Variants in SCN3B observed in about 807,000 individuals in gnomAD.
SCN3B encodes sodium channel regulatory subunit beta-3.
Under a neutral mutation model 25.4 loss-of-function variants are expected in SCN3B, and 11 were observed. That is an observed-to-expected ratio of 0.43 (90% CI 0.27 to 0.72). The LOEUF is 0.72. SCN3B is among the 30% of genes least tolerant of loss of function. The pLI is 0.18. For synonymous variants in SCN3B, 109 were observed against 110.7 expected (o/e 0.99, Z 0.09); for missense variants, 218 against 278.3 (o/e 0.78, Z 1.54).
rs1257008951 is a variant in SCN3B, at chr11:123,644,840, T to TATAC, written c.219+746_219+747insGTAT. 7.1e-3 allele frequency among the ~76,000 whole-genome samples: 880 copies of TATAC among 124,316 alleles called. 3 individuals carry two copies. Among genetic ancestry groups the TATAC allele is most frequent in the Non-Finnish European group, 0.01 (598 of 57,508 alleles). The allele number at this position is 124,316 out of a possible 152,430, so 81.6% of individuals were successfully genotyped here. A position where few individuals can be genotyped will look rare whatever the true frequency, so the allele number is the denominator to read the frequency against. ...ATATATATATATATATATATATATA[T>TATAC]ACACACACACATATATACACACACA... is the stretch of plus-strand genomic sequence containing the variant. On this transcript the variant is annotated intron_variant, in intron 3 of 6. Transcript: ENST00000299333.
chr11:123,636,291 T>A (rs2137233420), intron 5 of SCN3B, among the ~76,000 whole-genome samples: 1 of 152,362 alleles, frequency 6.6e-6, no homozygotes, highest in South Asian at 2.1e-4. Context: ...GGAATATTCT[T>A]CCTTGTCCTA....
chr11:123,637,192 AGT>A (rs1279135918), intron 5 of SCN3B, among the ~76,000 whole-genome samples: 1 of 151,994 alleles, frequency 6.6e-6, no homozygotes, highest in East Asian at 1.9e-4. Context: ...AAGTGACTAG[AGT>A]CTCTGAGCAA....
chr11:123,642,773 T>C lies in SCN3B; in HGVS notation c.220-102A>G, dbSNP rs989631957. 2.4e-5 allele frequency: 21 copies of C among 885,800 alleles called. No homozygotes were observed. The highest frequency in any genetic ancestry group is 1.8e-4 in the East Asian group (7 of 38,576). The allele number at this position is 885,800 out of a possible 1,614,324, so 54.9% of individuals were successfully genotyped here. On this transcript the variant is annotated intron_variant, in intron 3 of 6. Transcript: ENST00000299333. This position sits in a 1 kb window ranked among gnomAD's most constrained non-coding sequence, Gnocchi z 4.3. ...CAGAGAAAAGGAGCAGAATTGTGCA[T>C]GGACAGGGAAGAGAGGGGACAATGC...
chr11:123,653,325 G>GT (rs3862615), intron 2 of SCN3B, among the ~76,000 whole-genome samples: 3,984 of 145,332 alleles, frequency 0.027, 59 homozygotes, highest in African/African-American at 0.039. Flanking sequence ...AGCTTTTATG[G>GT]TTTTTTTTTT....
Position 123,653,841 on chromosome 11 carries a change from T to C in SCN3B, c.-25-15A>G, listed in dbSNP as rs775126426. 1.9e-6 allele frequency: 3 copies of C among 1,610,224 alleles called. No individual in the cohort carries two copies. The highest frequency in any genetic ancestry group is 4.5e-5 in the East Asian group (2 of 44,868). On this transcript the variant is annotated splice_polypyrimidine_tract_variant and intron_variant, in intron 1 of 6. Coordinates refer to ENST00000299333, the MANE Select transcript of SCN3B (RefSeq NM_001040151.2). The stretch of plus-strand genomic sequence containing the variant: ...GGCTTCCAAGGCTACACAGAGAGAT[T>C]CCCTCGGTCAAGGACTGCGCCCTCT...
chr11:123,653,724 C>G (rs1399170342), intron 2 of SCN3B, 23 bp downstream of exon 2: 24 of 1,613,378 alleles, frequency 1.5e-5, no homozygotes, highest in Non-Finnish European at 2.0e-5. Flanking sequence ...CTGCATCCGG[C>G]ATGGCGAGGT....
At chr11:123,651,256 A>G (rs1322474416) in intron 2 of SCN3B, among the ~76,000 whole-genome samples, 1 of 152,146 alleles carries the variant, frequency 6.6e-6, no homozygotes, top group African/African-American at 2.4e-5. Flanking sequence ...ATTGTACATC[A>G]TATTAAAAAA....
Position 123,630,879 on chromosome 11 carries a change from T to A in SCN3B, c.*2920A>T, listed in dbSNP as rs1158974096. 1 of 152,172 alleles carries A rather than the reference T, an allele frequency of 6.6e-6. No individual in the cohort carries two copies. Among genetic ancestry groups the A allele is most frequent in the Non-Finnish European group, 1.5e-5 (1 of 68,042 alleles). The allele number at this position is 152,172 out of a possible 1,614,324, so 9.4% of individuals were successfully genotyped here. On this transcript the variant is annotated 3_prime_UTR_variant, in exon 7 of 7. Transcript: ENST00000299333. Reference sequence around the variant, plus strand: ...CTAAAAAATAAGAAAAGGAAGCAGCTATGGTCTAAGTGGAAAGAGAACTGA... The same window carrying A: ...CTAAAAAATAAGAAAAGGAAGCAGCAATGGTCTAAGTGGAAAGAGAACTGA...
chr11:123,644,425 T>G (rs1286974136), intron 3 of SCN3B, among the ~76,000 whole-genome samples: 1 of 152,068 alleles, frequency 6.6e-6, no homozygotes, highest in Non-Finnish European at 1.5e-5. Flanking sequence ...GTGGCCTGGC[T>G]CCACAGTCAG....
intron 1 of SCN3B, 122 bp from the exon 2 acceptor site, chr11:123,653,948 G>A: frequency 3.3e-6 from 3 of 908,762 alleles, no homozygotes; most frequent in South Asian, 2.8e-5. Flanking sequence ...GAGCACCGGT[G>A]CCTGGGGAGG....
chr11:123,640,816 G>A (rs966693541), intron 4 of SCN3B: 2 of 152,264 alleles, frequency 1.3e-5, no homozygotes, highest in Non-Finnish European at 2.9e-5. Context: ...TCTACATCTG[G>A]AGGACGCCAA....
rs1213476516 is a variant in SCN3B at position 123,634,160 on chromosome 11, C to T, written c.631G>A (p.Val211Ile). The change falls in exon 6 of 7, where the codon GTA becomes ATA. Residue 211 changes from valine to isoleucine, a missense_variant. Physicochemically the swap from Val to Ile is conservative, Grantham distance 29. Coordinates refer to ENST00000299333, the MANE Select transcript of SCN3B (RefSeq NM_001040151.2). Reference protein sequence around the residue: ...IPSENKENSAVPVEE With the variant: ...IPSENKENSAIPVEE ...CTCCTGTTCTATTCCTCCACTGGTA[C>T]CGCAGAGTTCTCCTTGTTCTCAGAT... 5.6e-6 allele frequency: 9 copies of T among 1,613,898 alleles called. No individual in the cohort carries two copies. Among genetic ancestry groups the T allele is most frequent in the Non-Finnish European group, 5.9e-6 (7 of 1,179,866 alleles).
intron 5 of SCN3B, among the ~76,000 whole-genome samples, chr11:123,636,488 G>A (rs1158233645): frequency 1.3e-5 from 2 of 152,138 alleles, no homozygotes; most frequent in African/African-American, 4.8e-5. Context: ...GATATTACAG[G>A]CACTTGAGGT....
rs997988218 is a variant in SCN3B, at chr11:123,633,649, T to A, written c.*150A>T. On this transcript the variant is annotated 3_prime_UTR_variant, in exon 7 of 7. Coordinates refer to ENST00000299333, the MANE Select transcript of SCN3B (RefSeq NM_001040151.2). ...AGGTGAAAGCTCAGAGGCAGGTGGATGTATGGATGAATGAATGAACAGAAC... is the reference window on the plus strand; with the variant it reads ...AGGTGAAAGCTCAGAGGCAGGTGGAAGTATGGATGAATGAATGAACAGAAC... 4.4e-6 allele frequency: 1 copy of A among 225,284 alleles called. No homozygotes were observed. The highest frequency in any genetic ancestry group is 8.9e-6 in the Non-Finnish European group (1 of 112,252). 14.0% of individuals were successfully genotyped at this position (225,284 alleles called of 1,614,324 possible).
At chr11:123,653,509 G>C (rs901052475) in intron 2 of SCN3B, among the ~76,000 whole-genome samples, 2 of 152,106 alleles carry the variant, frequency 1.3e-5, no homozygotes, top group African/African-American at 4.8e-5. Flanking sequence ...GAAACTGGAG[G>C]AAGGGCGGAA....
At position 123,629,459 on chromosome 11, in the gene SCN3B, G is replaced by C. The variant is rs747691471; in HGVS notation, c.*4340C>G. 2 of 152,270 alleles carry C rather than the reference G, an allele frequency of 1.3e-5. No homozygotes were observed. Among genetic ancestry groups the C allele is most frequent in the African/African-American group, 4.8e-5 (2 of 41,452 alleles). 9.4% of individuals were successfully genotyped at this position (152,270 alleles called of 1,614,324 possible). On this transcript the variant is annotated 3_prime_UTR_variant, in exon 7 of 7. Coordinates refer to ENST00000299333, the MANE Select transcript of SCN3B (RefSeq NM_001040151.2). ...TCTGAGGGTCAGCTGGCCTGGGATGGAGACCGAGTTTGATATATAAATCAG... is the reference window on the plus strand; with the variant it reads ...TCTGAGGGTCAGCTGGCCTGGGATGCAGACCGAGTTTGATATATAAATCAG...
chr11:123,644,805 ATATATATATATATAT>A (rs1955833712), intron 3 of SCN3B, among the ~76,000 whole-genome samples: 1 of 36,646 alleles, frequency 2.7e-5, no homozygotes, highest in African/African-American at 2.0e-4. Flanking sequence ...GAGAGAATAT[ATATATATATATATAT>A]ATATATATAT....
In SCN3B at chr11:123,646,534, G is replaced by A. The variant is rs1457558783; in HGVS notation, c.56-784C>T. ...AGCAGCAGTGAAGAAAATGGCGAGCGGACCACTAAGCTGGAACAATGGTCT... is the reference window on the plus strand; with the variant it reads ...AGCAGCAGTGAAGAAAATGGCGAGCAGACCACTAAGCTGGAACAATGGTCT... On this transcript the variant is annotated intron_variant, in intron 2 of 6. Coordinates refer to ENST00000299333, the MANE Select transcript of SCN3B (RefSeq NM_001040151.2). Among the ~76,000 whole-genome samples the A allele has an allele frequency of 3.9e-5, 6 of 152,128 alleles. No individual in the cohort carries two copies. In the South Asian group the frequency reaches 8.3e-4, roughly 21 times the overall value.
rs531613241 is a variant in SCN3B, at chr11:123,649,484, T to C, written c.56-3734A>G. 3.9e-5 allele frequency among the ~76,000 whole-genome samples: 6 copies of C among 152,144 alleles called. No individual in the cohort carries two copies. The South Asian group carries it at 1.2e-3, about 32-fold the overall frequency. On this transcript the variant is annotated intron_variant, in intron 2 of 6. Coordinates refer to ENST00000299333, the MANE Select transcript of SCN3B (RefSeq NM_001040151.2). ...GTACATTGAAAAATGGCCACAAAGT[T>C]CCCCCACCTCTGTTTGCTTGCCTTT... is the stretch of plus-strand genomic sequence containing the variant.
Sources: gnomAD v4.1 joint callset for allele counts (sites outside exome capture counted in the v4.1 genomes callset) on GRCh38, gnomAD v4.1.1 for gene constraint, Gnocchi (gnomAD v3.1) non-coding constraint, MANE v1.5 for transcripts, NCBI Gene and HGNC (gene_info 2026-07-23, HGNC 2026-07-21) for gene names.